The following SELENOW variants were observed in gnomAD, a reference collection of about 807,000 sequenced individuals.
The protein encoded by SELENOW is selenoprotein W, also known as selenoprotein W, 1.
A neutral mutation model predicts 16.6 loss-of-function variants in SELENOW; 20 were observed. The observed-to-expected ratio is 1.21, with a 90% CI of 0.85 to 1.76. The LOEUF is 1.76. Among genes scored for constraint, SELENOW ranks in the 40% most tolerant of loss-of-function variants. The probability of loss-of-function intolerance (pLI) is 0.00; values close to 1 mark genes in which losing one functional copy is unlikely to be tolerated. For synonymous variants in SELENOW, 44 were observed against 46.2 expected (o/e 0.95, Z 0.19); for missense variants, 124 against 111.0 (o/e 1.12, Z -0.53).
At position 47,781,178 on chromosome 19, in the gene SELENOW, A is replaced by G; in HGVS notation, c.179A>G (p.Lys60Arg). ...VMVAGKLIHS[K>R]KKGDGYVDTE... is the part of the protein sequence containing the mutation. ...GTAGCCGGGAAGTTGATTCACTCTA[A>G]GAAGGTATGTCTGTCTGTCCGTCCT... Residue 60 changes from lysine to arginine, a missense_variant, in exon 4 of 6, where the codon AAG becomes AGG. Physicochemically the swap from Lys to Arg is conservative, Grantham distance 26 (BLOSUM62 2). Coordinates refer to ENST00000601048, the MANE Select transcript of SELENOW (RefSeq NM_003009.4). 1 of 1,613,746 alleles carries G rather than the reference A, an allele frequency of 6.2e-7. No individual in the cohort carries two copies. Among genetic ancestry groups the G allele is most frequent in the Non-Finnish European group, 8.5e-7 (1 of 1,179,750 alleles).
chr19:47,782,452 A>G (rs1432770631), intron 5 of SELENOW: 1 of 152,238 alleles, frequency 6.6e-6, no homozygotes, highest in Non-Finnish European at 1.5e-5. Flanking sequence ...CAACCCAGCA[A>G]TTGAAAAATG....
At position 47,778,837 on chromosome 19, in the gene SELENOW, C is replaced by T. The variant is rs774666388; in HGVS notation, c.29+23C>T. ...TTGGTAAGCCCAGCGGCCAGCGGCCCCCGTCCCCGACCCCCGCCGGGACCC... is the reference window on the plus strand; with the variant it reads ...TTGGTAAGCCCAGCGGCCAGCGGCCTCCGTCCCCGACCCCCGCCGGGACCC... On this transcript the variant is annotated intron_variant, in intron 1 of 5. Transcript: ENST00000601048. The T allele has an allele frequency of 5.8e-6, 8 of 1,380,916 alleles. No individual in the cohort carries two copies. The Admixed American group carries it at 1.0e-4, about 18-fold the overall frequency. 85.5% of individuals were successfully genotyped at this position (1,380,916 alleles called of 1,614,324 possible). A position where few individuals can be genotyped will look rare whatever the true frequency, so the allele number is the denominator to read the frequency against.
intron 2 of SELENOW, 48 bp downstream of exon 2, chr19:47,780,797 G>A (rs1283876725): frequency 1.9e-6 from 3 of 1,596,186 alleles, no homozygotes; most frequent in Non-Finnish European, 1.7e-6. Flanking sequence ...CTGGGGAGGG[G>A]TAGAGTGCAT....
Position 47,781,139 on chromosome 19 carries a change from T to C in SELENOW, c.140T>C (p.Phe47Ser). The part of the protein sequence containing the change: ...CGEGTPQATG[F>S]FEVMVAGKLI... ...GAGGGAACTCCCCAGGCCACCGGGT[T>C]CTTTGAAGTGATGGTAGCCGGGAAG... The change falls in exon 4 of 6, where the codon TTC (phenylalanine) becomes TCC (serine). Residue 47 changes from phenylalanine to serine, a missense_variant. Coordinates refer to ENST00000601048, the MANE Select transcript of SELENOW (RefSeq NM_003009.4). The C allele has an allele frequency of 6.2e-7, 1 of 1,613,824 alleles. No homozygotes were observed. The highest frequency in any genetic ancestry group is 8.5e-7 in the Non-Finnish European group (1 of 1,179,840).
At chr19:47,779,105 G>A in intron 1 of SELENOW, 1 of 479,922 alleles carries the variant, frequency 2.1e-6, no homozygotes, top group Admixed American at 3.9e-5. Context: ...CTGGGGAAGG[G>A]GCTGGGGGTC....
chr19:47,780,652 C>G, intron 1 of SELENOW, 73 bp from the exon 2 acceptor site: 1 of 1,357,162 alleles, frequency 7.4e-7, no homozygotes, highest in African/African-American at 1.5e-5. Flanking sequence ...CCGCCTGTGT[C>G]TACCCTCCTC....
Position 47,781,140 on chromosome 19 carries a change from CTT to C in SELENOW, c.143_144del (p.Phe48Ter), listed in dbSNP as rs763723195. Reference protein sequence around the residue: ...GEGTPQATGFFEVMVAGKLIH... With the variant: ...GEGTPQATGFXEVMVAGKLIH... Reference sequence around the variant, plus strand: ...AGGGAACTCCCCAGGCCACCGGGTTCTTTGAAGTGATGGTAGCCGGGAAGTTG... The same window carrying C: ...AGGGAACTCCCCAGGCCACCGGGTTCTGAAGTGATGGTAGCCGGGAAGTTG... On this transcript the variant is annotated frameshift_variant, in exon 4 of 6. Transcript: ENST00000601048. LOFTEE classifies it high-confidence loss of function. The C allele has an allele frequency of 3.7e-6, 6 of 1,613,884 alleles. No homozygotes were observed. Among genetic ancestry groups the C allele is most frequent in the Non-Finnish European group, 3.4e-6 (4 of 1,179,848 alleles).
intron 5 of SELENOW, chr19:47,781,702 G>C (rs1042484944): frequency 1.3e-5 from 6 of 452,090 alleles, no homozygotes; most frequent in African/African-American, 8.0e-5. Context: ...AGCTGAGATG[G>C]TGATGGGTCA....
At chr19:47,778,884 G>A (rs1967439196) in intron 1 of SELENOW, 70 bp downstream of exon 1, 2 of 1,479,354 alleles carry the variant, frequency 1.4e-6, no homozygotes, top group Admixed American at 2.0e-5. Flanking sequence ...CCGGGGTCAG[G>A]GAGCCCCGGG....
chr19:47,784,169 G>A (rs1967506642), intron 5 of SELENOW, 121 bp from the exon 6 acceptor site: 1 of 152,256 alleles, frequency 6.6e-6, no homozygotes, highest in Non-Finnish European at 1.5e-5. Flanking sequence ...CAAAGTGCTG[G>A]GATTACAGAC....
At chr19:47,781,512 G>A (rs1034273761) in intron 5 of SELENOW, 124 bp downstream of exon 5, 23 of 646,140 alleles carry the variant, frequency 3.6e-5, no homozygotes, top group Admixed American at 1.5e-4. Flanking sequence ...TCCCCAGAGC[G>A]AGCGGGATAA....
At chr19:47,780,436 T>C in intron 1 of SELENOW, 5 of 506,716 alleles carry the variant, frequency 9.9e-6, no homozygotes, top group East Asian at 3.6e-5. Context: ...CTCTCTCCCC[T>C]TTTTCCCCTC....
chr19:47,781,214 G>T, intron 4 of SELENOW, 32 bp downstream of exon 4: 1 of 1,609,782 alleles, frequency 6.2e-7, no homozygotes. Context: ...GCCTGGTTTT[G>T]GGGCTAGCAT....
At chr19:47,779,621 A>T (rs1333464686) in intron 1 of SELENOW, 1 of 48,190 alleles carries the variant, frequency 2.1e-5, no homozygotes, top group Non-Finnish European at 4.8e-5. Flanking sequence ...TGGGCAACCC[A>T]GGGAGACCCC....
In SELENOW at chr19:47,781,178, A is replaced by C. The variant is rs182616482; in HGVS notation, c.179A>C (p.Lys60Thr). ...GTAGCCGGGAAGTTGATTCACTCTA[A>C]GAAGGTATGTCTGTCTGTCCGTCCT... ...VMVAGKLIHSKKKGDGYVDTE... is the reference protein window; with the variant it reads ...VMVAGKLIHSTKKGDGYVDTE... Residue 60 changes from lysine (K) to threonine (T), a missense_variant, in exon 4 of 6, where the codon AAG becomes ACG. Transcript: ENST00000601048. 5 of 1,613,746 alleles carry C rather than the reference A, an allele frequency of 3.1e-6. No homozygotes were observed. In the Admixed American group the frequency reaches 6.7e-5, roughly 22 times the overall value.
At position 47,780,598 on chromosome 19, in the gene SELENOW, T is replaced by G. The variant is rs1967462040; in HGVS notation, c.30-127T>G. ...CACCTCTTCTGCTTGGTCATCTGTG[T>G]TCCTCTTTATTTCTTCCTGGCCCCA... On this transcript the variant is annotated intron_variant, in intron 1 of 5. Coordinates refer to ENST00000601048, the MANE Select transcript of SELENOW (RefSeq NM_003009.4). The G allele has an allele frequency of 8.0e-6, 6 of 748,106 alleles. No individual in the cohort carries two copies. In the East Asian group the frequency reaches 1.4e-4, roughly 17 times the overall value. 46.3% of individuals were successfully genotyped at this position (748,106 alleles called of 1,614,324 possible). A position where few individuals can be genotyped will look rare whatever the true frequency, so the allele number is the denominator to read the frequency against.
intron 1 of SELENOW, chr19:47,780,506 C>G: frequency 1.7e-6 from 1 of 588,930 alleles, no homozygotes; most frequent in Non-Finnish European, 3.0e-6. Flanking sequence ...GTCCCCGCGC[C>G]ACCCCCTGTG....
chr19:47,781,428 CT>C, intron 5 of SELENOW, 40 bp downstream of exon 5: 1 of 1,107,060 alleles, frequency 9.0e-7, no homozygotes, highest in East Asian at 2.6e-5. Flanking sequence ...CCCTTTGGAT[CT>C]TCTCCCTGCC....
intron 5 of SELENOW, 127 bp downstream of exon 5, chr19:47,781,515 C>T (rs561781423): frequency 3.1e-6 from 2 of 641,496 alleles, no homozygotes; most frequent in South Asian, 1.8e-5. Flanking sequence ...CCAGAGCGAG[C>T]GGGATAAAGT....
Sources: allele counts gnomAD v4.1 joint callset, GRCh38; gene constraint gnomAD v4.1.1; transcripts MANE v1.5; gene names NCBI Gene and HGNC (gene_info 2026-07-23, HGNC 2026-07-21).